CDKAL1: variants seen among roughly 807,000 people sequenced by gnomAD.
The protein encoded by CDKAL1 is CDKAL1 threonylcarbamoyladenosine tRNA methylthiotransferase.
A neutral mutation model predicts 68.2 loss-of-function variants in CDKAL1; 32 were observed. The observed-to-expected ratio is 0.47, with a 90% confidence interval of 0.35 to 0.63. The LOEUF is 0.63. CDKAL1 is among the 30% of genes least tolerant of loss of function. The probability of loss-of-function intolerance (pLI) is 0.00; values close to 1 mark genes in which losing one functional copy is unlikely to be tolerated. For missense variants in CDKAL1, 606 were observed against 696.7 expected, an observed-to-expected ratio of 0.87 and a Z score of 1.47; for synonymous variants, 234 against 244.3, an observed-to-expected ratio of 0.96 and a Z score of 0.39.
intron 8 of CDKAL1, among the ~76,000 whole-genome samples, chr6:20,804,951 G>A (rs911538866): frequency 2.6e-5 from 4 of 152,162 alleles, no homozygotes; most frequent in Non-Finnish European, 5.9e-5. Flanking sequence ...TTTGAGCCCA[G>A]GTGTTTGAGG....
At chr6:20,569,266 T>C (rs370168601) in intron 4 of CDKAL1, among the ~76,000 whole-genome samples, 1 of 152,268 alleles carries the variant, frequency 6.6e-6, no homozygotes, top group African/African-American at 2.4e-5. Context: ...ATTGGTGCTT[T>C]ACAGATTTTG....
chr6:21,209,603 C>T (rs1779075681), intron 15 of CDKAL1, among the ~76,000 whole-genome samples: 1 of 152,094 alleles, frequency 6.6e-6, no homozygotes, highest in Non-Finnish European at 1.5e-5. Context: ...TATAGGTATG[C>T]TAGCTCACCT....
intron 6 of CDKAL1, among the ~76,000 whole-genome samples, chr6:20,758,061 G>A (rs1000589547): frequency 6.7e-6 from 1 of 149,308 alleles, no homozygotes; most frequent in Non-Finnish European, 1.5e-5. Flanking sequence ...CTTAGTCTCT[G>A]GTGTATAGAA....
At chr6:20,790,118 A>G (rs2150389032) in intron 8 of CDKAL1, among the ~76,000 whole-genome samples, 1 of 152,286 alleles carries the variant, frequency 6.6e-6, no homozygotes, top group South Asian at 2.1e-4. Context: ...TGTTAAACAA[A>G]TGTAGTTGAA....
At chr6:20,931,655 TGCCCTTCCTAAAA>T in intron 9 of CDKAL1, among the ~76,000 whole-genome samples, 1 of 152,340 alleles carries the variant, frequency 6.6e-6, no homozygotes, top group East Asian at 1.9e-4. Context: ...GGAAAACATT[TGCCCTTCCTAAAA>T]GGTGAAACAT....
At chr6:20,733,464 G>C (rs1031931790) in intron 5 of CDKAL1, among the ~76,000 whole-genome samples, 1 of 152,172 alleles carries the variant, frequency 6.6e-6, no homozygotes, top group African/African-American at 2.4e-5. Flanking sequence ...CTTTATTCCA[G>C]TGCACCATGA....
In CDKAL1 at chr6:21,198,581, C is replaced by T. The variant is rs76419989; in HGVS notation, c.1383+477C>T. On this transcript the variant is annotated intron_variant, in intron 14 of 15. Transcript: ENST00000274695. ...TTTTAGTTTTGTTTAGTTTTAGCAT[C>T]TGTTTTTTTAACTTCTACCTTAATA... 7.9e-3 allele frequency among the ~76,000 whole-genome samples: 1,207 copies of T among 152,258 alleles called. 13 individuals carry two copies. The highest frequency in any genetic ancestry group is 0.026 in the African/African-American group (1,071 of 41,568).
In CDKAL1 at chr6:20,980,298, C is replaced by T. The variant is rs183106881; in HGVS notation, c.910-19929C>T. Reference sequence around the variant, plus strand: ...TGTCGCCCAGGCTGGAGTGCAGTGGCGCGATCTCGGCTCACTGCAAGCTCC... The same window carrying T: ...TGTCGCCCAGGCTGGAGTGCAGTGGTGCGATCTCGGCTCACTGCAAGCTCC... On this transcript the variant is annotated intron_variant, in intron 10 of 15. Transcript: ENST00000274695. 4.2e-3 allele frequency among the ~76,000 whole-genome samples: 634 copies of T among 152,176 alleles called. 1 individual carries two copies. Among genetic ancestry groups the T allele is most frequent in the Admixed American group, 7.7e-3 (118 of 15,284 alleles).
chr6:21,000,209 T>A lies in CDKAL1; in HGVS notation c.910-18T>A. Reference sequence around the variant, plus strand: ...ATTTGTTAAAATGATTAGTGTTTTCTCCTTCCATTTTTTTAAGGAAATGGC... The same window carrying A: ...ATTTGTTAAAATGATTAGTGTTTTCACCTTCCATTTTTTTAAGGAAATGGC... On this transcript the variant is annotated intron_variant, in intron 10 of 15. Transcript: ENST00000274695. The A allele has an allele frequency of 6.2e-7, 1 of 1,606,214 alleles. No individual in the cohort carries two copies. Among genetic ancestry groups the A allele is most frequent in the South Asian group, 1.1e-5 (1 of 89,754 alleles).
intron 13 of CDKAL1, among the ~76,000 whole-genome samples, chr6:21,180,173 C>T (rs1777734812): frequency 6.6e-6 from 1 of 152,066 alleles, no homozygotes; most frequent in African/African-American, 2.4e-5. Flanking sequence ...TAAGGTAAAC[C>T]ATTTCATCAC....
At chr6:20,777,746 A>G (rs1358833103) in intron 7 of CDKAL1, among the ~76,000 whole-genome samples, 4 of 152,216 alleles carry the variant, frequency 2.6e-5, no homozygotes, top group South Asian at 4.1e-4. Flanking sequence ...GATGCCTGCA[A>G]CTATGGAGAG....
Position 20,714,869 on chromosome 6 carries a change from A to G in CDKAL1, c.372-24650A>G, listed in dbSNP as rs941562781. On this transcript the variant is annotated intron_variant, in intron 5 of 15. Transcript: ENST00000274695. ...GGATACTTCTGAAGGTGAGGAAATCACTTTGCATCATGCTATGAATTTGTT... is the reference window on the plus strand; with the variant it reads ...GGATACTTCTGAAGGTGAGGAAATCGCTTTGCATCATGCTATGAATTTGTT... Among the ~76,000 whole-genome samples, 31 of 152,318 alleles carry G rather than the reference A, an allele frequency of 2.0e-4. 1 individual carries two copies. Among genetic ancestry groups the G allele is most frequent in the Admixed American group, 1.8e-3 (27 of 15,296 alleles).
At chr6:20,900,978 A>G (rs1467177287) in intron 9 of CDKAL1, among the ~76,000 whole-genome samples, 2 of 152,158 alleles carry the variant, frequency 1.3e-5, no homozygotes, top group Non-Finnish European at 2.9e-5. Flanking sequence ...AATCAATGAG[A>G]CGTGTCGTCT....
At chr6:20,921,075 A>G (rs796345499) in intron 9 of CDKAL1, among the ~76,000 whole-genome samples, 1 of 152,308 alleles carries the variant, frequency 6.6e-6, no homozygotes, top group African/African-American at 2.4e-5. Context: ...GATGCTTTAC[A>G]TAATTTATCT....
At chr6:20,547,942 G>A (rs1763667772) in intron 3 of CDKAL1, among the ~76,000 whole-genome samples, 1 of 152,136 alleles carries the variant, frequency 6.6e-6, no homozygotes, top group Admixed American at 6.6e-5. Flanking sequence ...ATTTGCCATT[G>A]CTGCTAGAAC....
chr6:21,018,873 G>A (rs1344048860), intron 11 of CDKAL1, among the ~76,000 whole-genome samples: 5 of 151,856 alleles, frequency 3.3e-5, no homozygotes, highest in South Asian at 2.1e-4. Context: ...TTTTTTTCTC[G>A]TGGTAAAAGG....
intron 13 of CDKAL1, among the ~76,000 whole-genome samples, chr6:21,118,305 G>A (rs1329787737): frequency 6.6e-6 from 1 of 152,128 alleles, no homozygotes; most frequent in Admixed American, 6.6e-5. Flanking sequence ...CTTTTTCTGC[G>A]CTGCTCACAT....
chr6:20,806,898 C>A (rs148438179), intron 8 of CDKAL1, among the ~76,000 whole-genome samples: 4 of 152,064 alleles, frequency 2.6e-5, no homozygotes, highest in Non-Finnish European at 5.9e-5. Context: ...ACAGCTGATA[C>A]GGTAAAAATA....
intron 8 of CDKAL1, among the ~76,000 whole-genome samples, chr6:20,822,094 C>T (rs537417173): frequency 6.6e-6 from 1 of 152,204 alleles, no homozygotes; most frequent in Admixed American, 6.5e-5. Context: ...GTAACAGAGA[C>T]CTATGGGTCC....
Sources: gnomAD v4.1 joint callset for allele counts (sites outside exome capture counted in the v4.1 genomes callset) on GRCh38, gnomAD v4.1.1 for gene constraint, MANE v1.5 for transcripts, NCBI Gene and HGNC (gene_info 2026-07-23, HGNC 2026-07-21) for gene names.